FHIT: variants seen among roughly 807,000 people sequenced by gnomAD.
FHIT encodes the protein bis(5'-adenosyl)-triphosphatase.
FHIT carries 19 observed loss-of-function variants against 17.9 expected under a neutral mutation model. That is an observed-to-expected ratio of 1.06 (90% CI 0.74 to 1.56). The LOEUF (loss-of-function observed/expected upper bound fraction) is 1.56. FHIT is among the 40% of genes most tolerant of loss of function. FHIT has a pLI of 0.00. For synonymous variants in FHIT, 81 were observed against 69.7 expected (o/e 1.16, Z -0.81); for missense variants, 248 against 189.2 (o/e 1.31, Z -1.82).
chr3:60,057,242 C>A (rs1015602819), intron 5 of FHIT, among the ~76,000 whole-genome samples: 1 of 152,098 alleles, frequency 6.6e-6, no homozygotes, highest in African/African-American at 2.4e-5. Context: ...ATGACAGACG[C>A]CAAAGAAGTA....
intron 4 of FHIT, among the ~76,000 whole-genome samples, chr3:60,750,659 A>T (rs189570268): frequency 3.1e-4 from 47 of 152,276 alleles, no homozygotes; most frequent in African/African-American, 1.1e-3. Flanking sequence ...TAAGTCCAAT[A>T]AACCTCTTTC....
rs1300292052 is a variant in FHIT, at chr3:60,441,152, T to TA, written c.103+95707_103+95708insT. Among the ~76,000 whole-genome samples the TA allele has an allele frequency of 3.4e-4, 52 of 151,854 alleles. No homozygotes were observed. The Middle Eastern group carries it at 0.01, about 30-fold the overall frequency. On this transcript the variant is annotated intron_variant, in intron 5 of 9. Coordinates refer to ENST00000492590, the MANE Select transcript of FHIT (RefSeq NM_002012.4). ...CCTGATACAGGAGACAGAAAAGAAT[T>TA]TAAAAAAAAGGCCATTTTACACAGA...
At chr3:61,042,839 C>CAA (rs111957952) in intron 2 of FHIT, among the ~76,000 whole-genome samples, 5,068 of 123,590 alleles carry the variant, frequency 0.041, 123 homozygotes, top group Non-Finnish European at 0.063. Context: ...GCATCTGACT[C>CAA]AAAAAAAAAA....
At chr3:60,077,776 C>G (rs1204790687) in intron 5 of FHIT, among the ~76,000 whole-genome samples, 5 of 139,616 alleles carry the variant, frequency 3.6e-5, no homozygotes, top group African/African-American at 1.4e-4. Context: ...GTAGGATGAA[C>G]AAGTCTAGAG....
At chr3:59,871,126 C>T (rs1041081018) in intron 8 of FHIT, among the ~76,000 whole-genome samples, 10 of 152,108 alleles carry the variant, frequency 6.6e-5, no homozygotes, top group Non-Finnish European at 1.0e-4. Flanking sequence ...TGGCACTGAT[C>T]CTCCAGCGAC....
intron 7 of FHIT, among the ~76,000 whole-genome samples, chr3:60,010,405 T>A (rs367563285): frequency 6.6e-6 from 1 of 152,346 alleles, no homozygotes; most frequent in South Asian, 2.1e-4. Flanking sequence ...CTTAGAAGTA[T>A]TTCCCAGAGA....
chr3:61,234,726 C>T (rs1158851744), intron 1 of FHIT, among the ~76,000 whole-genome samples: 1 of 151,974 alleles, frequency 6.6e-6, no homozygotes, highest in Non-Finnish European at 1.5e-5. Flanking sequence ...TAAATAGCAC[C>T]TTCTTACAGA....
chr3:60,907,394 A>C (rs1479634150), intron 3 of FHIT, among the ~76,000 whole-genome samples: 1 of 152,230 alleles, frequency 6.6e-6, no homozygotes, highest in Non-Finnish European at 1.5e-5. Context: ...GCAGGAGAAT[A>C]TTCTAGATTA....
chr3:60,748,501 A>G (rs1559691820), intron 4 of FHIT, among the ~76,000 whole-genome samples: 1 of 152,134 alleles, frequency 6.6e-6, no homozygotes, highest in Non-Finnish European at 1.5e-5. Flanking sequence ...ACCTGTACAC[A>G]TCCTCCCGTA....
intron 4 of FHIT, among the ~76,000 whole-genome samples, chr3:60,634,230 C>A (rs1338096342): frequency 6.6e-6 from 1 of 152,104 alleles, no homozygotes; most frequent in African/African-American, 2.4e-5. Flanking sequence ...TTAGTCTCAA[C>A]TCATTTGCTA....
rs113268864 is a variant in FHIT at position 60,844,719 on chromosome 3, C to G, written c.-110-22708G>C. The stretch of plus-strand genomic sequence containing the variant: ...TATTTGTGACAATCTTCCAAACTTA[C>G]TTGAAATTTTTCTGAATCCCTTTCA... On this transcript the variant is annotated intron_variant, in intron 3 of 9. Coordinates refer to ENST00000492590, the MANE Select transcript of FHIT (RefSeq NM_002012.4). Among the ~76,000 whole-genome samples the G allele has an allele frequency of 4.7e-4, 71 of 152,250 alleles. 1 individual carries two copies. The highest frequency in any genetic ancestry group is 3.4e-3 in the Middle Eastern group (1 of 292).
intron 7 of FHIT, among the ~76,000 whole-genome samples, chr3:59,985,310 G>A (rs573060825): frequency 6.6e-6 from 1 of 152,212 alleles, no homozygotes; most frequent in African/African-American, 2.4e-5. Context: ...CATTTTATCT[G>A]CACTGGCAGG....
At chr3:60,037,687 C>T (rs1701276255) in intron 5 of FHIT, among the ~76,000 whole-genome samples, 1 of 150,862 alleles carries the variant, frequency 6.6e-6, no homozygotes, top group Non-Finnish European at 1.5e-5. Context: ...CGGCCTAAAA[C>T]CAAGTAAGTC....
chr3:60,958,011 C>T (rs531917305), intron 3 of FHIT, among the ~76,000 whole-genome samples: 1 of 152,194 alleles, frequency 6.6e-6, no homozygotes, highest in Admixed American at 6.5e-5. Flanking sequence ...GACTAGATTC[C>T]TCCTTATTCT....
At chr3:59,956,410 C>A (rs1707401161) in intron 7 of FHIT, among the ~76,000 whole-genome samples, 1 of 152,186 alleles carries the variant, frequency 6.6e-6, no homozygotes, top group Admixed American at 6.5e-5. Flanking sequence ...TGGCTCACGC[C>A]TATAATCTCA....
At chr3:60,126,917 A>G (rs561365410) in intron 5 of FHIT, among the ~76,000 whole-genome samples, 6 of 152,110 alleles carry the variant, frequency 3.9e-5, no homozygotes, top group Non-Finnish European at 8.8e-5. Context: ...ACCTGCAGGG[A>G]GGTGCGCGCT....
chr3:60,529,312 C>T (rs372239309), intron 5 of FHIT, among the ~76,000 whole-genome samples: 87 of 152,090 alleles, frequency 5.7e-4, no homozygotes, highest in African/African-American at 2.1e-3. Context: ...AAATAAGGAA[C>T]ATACATAAGA....
chr3:60,428,596 G>T (rs114260860), intron 5 of FHIT, among the ~76,000 whole-genome samples: 30 of 152,244 alleles, frequency 2.0e-4, no homozygotes, highest in African/African-American at 7.0e-4. Flanking sequence ...CATTGATAAA[G>T]AAACTGAAGA....
chr3:60,866,103 C>T (rs930346199), intron 3 of FHIT, among the ~76,000 whole-genome samples: 2 of 152,160 alleles, frequency 1.3e-5, no homozygotes, highest in Non-Finnish European at 2.9e-5. Context: ...CACAAATACA[C>T]TGAGGGTTCC....
Sources: gnomAD v4.1 joint callset for allele counts (sites outside exome capture counted in the v4.1 genomes callset) on GRCh38, gnomAD v4.1.1 for gene constraint, MANE v1.5 for transcripts, NCBI Gene and HGNC (gene_info 2026-07-23, HGNC 2026-07-21) for gene names.